The following ARL5B variants were observed in gnomAD, a reference collection of about 807,000 sequenced individuals.
The protein encoded by ARL5B is ARF like GTPase 5B.
ARL5B carries 10 observed loss-of-function variants against 26.9 expected under a neutral mutation model. The ratio of observed to expected loss-of-function variants is 0.37; its 90% CI spans 0.23 to 0.63. The LOEUF (loss-of-function observed/expected upper bound fraction) is 0.63. Ranked by LOEUF, ARL5B falls within the 30% of genes least tolerant of loss-of-function variation. The pLI is 0.62. For synonymous variants in ARL5B, 87 were observed against 70.4 expected, an observed-to-expected ratio of 1.24 and a Z score of -1.18; for missense variants, 167 against 213.9, an observed-to-expected ratio of 0.78 and a Z score of 1.37.
rs535842587 is a variant in ARL5B at position 18,678,509 on chromosome 10, G to A, written c.*3293G>A. 6.6e-6 allele frequency: 1 copy of A among 151,960 alleles called. No homozygotes were observed. 9.4% of individuals were successfully genotyped at this position (151,960 alleles called of 1,614,324 possible). A position where few individuals can be genotyped will look rare whatever the true frequency, so the allele number is the denominator to read the frequency against. On this transcript the variant is annotated 3_prime_UTR_variant, in exon 6 of 6. Coordinates refer to ENST00000377275, the MANE Select transcript of ARL5B (RefSeq NM_178815.5). The stretch of plus-strand genomic sequence containing the variant: ...GAAGCTTTTTTAAAAAATCTTTTTA[G>A]TGTAGTTTCTTAGAACAAATTATAA...
chr10:18,663,756 G>T (rs2059847890), intron 1 of ARL5B, among the ~76,000 whole-genome samples: 1 of 151,558 alleles, frequency 6.6e-6, no homozygotes, highest in South Asian at 2.1e-4. Flanking sequence ...CACCATGTTA[G>T]CTAGGATGGT....
intron 4 of ARL5B, among the ~76,000 whole-genome samples, chr10:18,673,383 A>G (rs571577672): frequency 1.8e-4 from 27 of 152,202 alleles, no homozygotes; most frequent in Middle Eastern, 3.4e-3. Context: ...TTTCAAACTT[A>G]TACTATATAA....
chr10:18,671,264 C>T (rs1048377617), intron 3 of ARL5B, among the ~76,000 whole-genome samples: 3 of 151,580 alleles, frequency 2.0e-5, no homozygotes, highest in Non-Finnish European at 4.4e-5. Context: ...CCTCCGCCTC[C>T]CAGGTTCAAA....
intron 2 of ARL5B, 57 bp downstream of exon 2, chr10:18,666,692 CAATT>C (rs1367685878): frequency 7.2e-7 from 1 of 1,390,192 alleles, no homozygotes; most frequent in South Asian, 1.4e-5. Flanking sequence ...AATGTGTTTA[CAATT>C]AATAAGAGAT....
intron 1 of ARL5B, among the ~76,000 whole-genome samples, chr10:18,662,628 T>C (rs1357404671): frequency 1.3e-5 from 2 of 152,152 alleles, no homozygotes; most frequent in African/African-American, 2.4e-5. Context: ...TTTGAACTTT[T>C]GTAGGCATAG....
rs934670573 is a variant in ARL5B, at chr10:18,680,735, C to T, written c.*5519C>T. The T allele has an allele frequency of 6.6e-6, 1 of 151,948 alleles. No individual in the cohort carries two copies. Among genetic ancestry groups the T allele is most frequent in the African/African-American group, 2.4e-5 (1 of 41,388 alleles). 9.4% of individuals were successfully genotyped at this position (151,948 alleles called of 1,614,324 possible). Reference sequence around the variant, plus strand: ...AAACGGTCATGATTTTTTTCAATTACAGAATAGTTACAAATTTTACCATGT... The same window carrying T: ...AAACGGTCATGATTTTTTTCAATTATAGAATAGTTACAAATTTTACCATGT... On this transcript the variant is annotated 3_prime_UTR_variant, in exon 6 of 6. Transcript: ENST00000377275.
At chr10:18,659,969 A>G (rs111984477) in intron 1 of ARL5B, 2 of 983,100 alleles carry the variant, frequency 2.0e-6, no homozygotes. Context: ...TAATGATGCC[A>G]GGAGGCGTAT....
intron 3 of ARL5B, 111 bp downstream of exon 3, chr10:18,668,788 T>G (rs1034172781): frequency 1.0e-6 from 1 of 955,166 alleles, no homozygotes; most frequent in Non-Finnish European, 1.5e-6. Flanking sequence ...TTTTTTTTTT[T>G]AAGACGGAGT....
At position 18,681,612 on chromosome 10, in the gene ARL5B, G is replaced by A. The variant is rs1021717328; in HGVS notation, c.*6396G>A. On this transcript the variant is annotated 3_prime_UTR_variant, in exon 6 of 6. Coordinates refer to ENST00000377275, the MANE Select transcript of ARL5B (RefSeq NM_178815.5). ...GTTTTCATTCAACAGTTTTATTTTT[G>A]TCATAATAAATAATTACTTTTCCAA... 6.6e-6 allele frequency: 1 copy of A among 152,074 alleles called. No individual in the cohort carries two copies. Among genetic ancestry groups the A allele is most frequent in the Non-Finnish European group, 1.5e-5 (1 of 68,024 alleles). 9.4% of individuals were successfully genotyped at this position (152,074 alleles called of 1,614,324 possible).
At position 18,675,362 on chromosome 10, in the gene ARL5B, G is replaced by T; in HGVS notation, c.*146G>T. On this transcript the variant is annotated 3_prime_UTR_variant, in exon 6 of 6. Coordinates refer to ENST00000377275, the MANE Select transcript of ARL5B (RefSeq NM_178815.5). Reference sequence around the variant, plus strand: ...CACTTGAATCAAGTGCAGCTGAACTGGAACATAAAAGATTTTTTCTTAACT... The same window carrying T: ...CACTTGAATCAAGTGCAGCTGAACTTGAACATAAAAGATTTTTTCTTAACT... The T allele has an allele frequency of 1.5e-6, 1 of 685,278 alleles. No homozygotes were observed. Among genetic ancestry groups the T allele is most frequent in the African/African-American group, 1.8e-5 (1 of 55,344 alleles). 42.4% of individuals were successfully genotyped at this position (685,278 alleles called of 1,614,324 possible).
chr10:18,662,829 G>A (rs891602267), intron 1 of ARL5B, among the ~76,000 whole-genome samples: 5 of 151,154 alleles, frequency 3.3e-5, no homozygotes, highest in African/African-American at 1.2e-4. Flanking sequence ...TCAGCCTCCT[G>A]AGTAGTTGGG....
At chr10:18,663,608 G>T (rs2059846922) in intron 1 of ARL5B, among the ~76,000 whole-genome samples, 1 of 137,848 alleles carries the variant, frequency 7.3e-6, no homozygotes, top group Admixed American at 7.9e-5. Context: ...GAGTGCAGTG[G>T]CGTTATCTCG....
rs541623996 is a variant in ARL5B, at chr10:18,680,580, C to T, written c.*5364C>T. 1.3e-5 allele frequency: 2 copies of T among 151,968 alleles called. No individual in the cohort carries two copies. The highest frequency in any genetic ancestry group is 2.9e-5 in the Non-Finnish European group (2 of 67,952). The allele number at this position is 151,968 out of a possible 1,614,324, so 9.4% of individuals were successfully genotyped here. On this transcript the variant is annotated 3_prime_UTR_variant, in exon 6 of 6. Coordinates refer to ENST00000377275, the MANE Select transcript of ARL5B (RefSeq NM_178815.5). ...ATAATCATTTTAATCTTATATTTTC[C>T]CTCAGGAAATTTAGGGACTCTGAAG...
At chr10:18,660,162 G>A (rs1202518768) in intron 1 of ARL5B, among the ~76,000 whole-genome samples, 1 of 152,050 alleles carries the variant, frequency 6.6e-6, no homozygotes, top group Non-Finnish European at 1.5e-5. Context: ...TTTCCTCTAG[G>A]ACTTGGGAAT....
chr10:18,661,378 A>G (rs1265252277), intron 1 of ARL5B, among the ~76,000 whole-genome samples: 1 of 152,196 alleles, frequency 6.6e-6, no homozygotes, highest in Non-Finnish European at 1.5e-5. Context: ...TGTAAGGGGA[A>G]AATGTAGATG....
chr10:18,669,100 G>A (rs1160259276), intron 3 of ARL5B, among the ~76,000 whole-genome samples: 1 of 151,896 alleles, frequency 6.6e-6, no homozygotes, highest in African/African-American at 2.4e-5. Context: ...TAGGGAATTT[G>A]GGTTTCCTTT....
chr10:18,659,786 G>T, intron 1 of ARL5B, 103 bp downstream of exon 1: 1 of 1,548,818 alleles, frequency 6.5e-7, no homozygotes. Context: ...AGACGCGGAG[G>T]AGGAAGGGAC....
In ARL5B at chr10:18,681,306, C is replaced by A. The variant is rs570825633; in HGVS notation, c.*6090C>A. ...GTAAATTAATGCATTCACATGATCA[C>A]TTCTTGAAAATGGTTCAAAGCATGT... On this transcript the variant is annotated 3_prime_UTR_variant, in exon 6 of 6. Coordinates refer to ENST00000377275, the MANE Select transcript of ARL5B (RefSeq NM_178815.5). 3 of 152,158 alleles carry A rather than the reference C, an allele frequency of 2.0e-5. No homozygotes were observed. The highest frequency in any genetic ancestry group is 4.4e-5 in the Non-Finnish European group (3 of 68,034). The allele number at this position is 152,158 out of a possible 1,614,324, so 9.4% of individuals were successfully genotyped here.
At chr10:18,659,764 CAG>C (rs1259365249) in intron 1 of ARL5B, 81 bp downstream of exon 1, 2 of 1,575,502 alleles carry the variant, frequency 1.3e-6, no homozygotes, top group East Asian at 4.7e-5. Context: ...AGACAGGGGA[CAG>C]AGCGTTCGGA....
Sources: allele counts gnomAD v4.1 joint callset (sites outside exome capture counted in the v4.1 genomes callset), GRCh38; gene constraint gnomAD v4.1.1; transcripts MANE v1.5; gene names NCBI Gene and HGNC (gene_info 2026-07-23, HGNC 2026-07-21).